The following AFF3 variants were observed in gnomAD, a reference collection of about 807,000 sequenced individuals.
AFF3 encodes AF4/FMR2 family member 3.
Under a neutral mutation model 129.7 loss-of-function variants are expected in AFF3, and 32 were observed. The ratio of observed to expected loss-of-function variants is 0.25; its 90% CI spans 0.19 to 0.33. The LOEUF (loss-of-function observed/expected upper bound fraction) is 0.33, where lower values mean the gene tolerates loss of function less well. Among genes scored for constraint, AFF3 ranks in the 10% least tolerant of loss-of-function variants. AFF3 has a pLI of 1.00. For synonymous variants in AFF3, 644 were observed against 635.4 expected (o/e 1.01, Z -0.20); for missense variants, 1,373 against 1,592.0 (o/e 0.86, Z 2.34).
chr2:99,930,030 G>GAACAT (rs1696555534), intron 7 of AFF3, among the ~76,000 whole-genome samples: 1 of 151,918 alleles, frequency 6.6e-6, no homozygotes, highest in Admixed American at 6.6e-5. Flanking sequence ...GATGGAGACT[G>GAACAT]CCACAGAACT....
chr2:100,138,681 T>C (rs1393030273), intron 1 of AFF3, among the ~76,000 whole-genome samples: 2 of 152,278 alleles, frequency 1.3e-5, no homozygotes, highest in Non-Finnish European at 2.9e-5. Context: ...CAGTGGCTCA[T>C]GCCTGTAATC....
At chr2:99,910,847 C>T (rs376687364) in intron 7 of AFF3, among the ~76,000 whole-genome samples, 16 of 152,342 alleles carry the variant, frequency 1.1e-4, no homozygotes, top group South Asian at 1.0e-3. Context: ...GTGATCATTT[C>T]GGGAGCTCTG....
At chr2:99,582,308 TG>T (rs1485503542) in intron 17 of AFF3, among the ~76,000 whole-genome samples, 2 of 152,124 alleles carry the variant, frequency 1.3e-5, no homozygotes, top group African/African-American at 4.8e-5. Context: ...GCTCTTCCCC[TG>T]GGGCGTGCTG....
At chr2:99,579,117 A>G (rs1677268250) in intron 17 of AFF3, among the ~76,000 whole-genome samples, 1 of 152,244 alleles carries the variant, frequency 6.6e-6, no homozygotes, top group Non-Finnish European at 1.5e-5. Context: ...TACTTAAAAA[A>G]TAAATCGACT....
chr2:100,132,320 C>T (rs1292823184), intron 1 of AFF3, among the ~76,000 whole-genome samples: 1 of 152,100 alleles, frequency 6.6e-6, no homozygotes, highest in Non-Finnish European at 1.5e-5. Context: ...TTAGCCATCC[C>T]ACAATGTATA....
intron 1 of AFF3, among the ~76,000 whole-genome samples, chr2:100,139,231 T>C (rs1692762261): frequency 6.6e-6 from 1 of 152,180 alleles, no homozygotes; most frequent in African/African-American, 2.4e-5. Context: ...TCATTATCCA[T>C]GGTCTCCACA....
intron 11 of AFF3, among the ~76,000 whole-genome samples, chr2:99,722,840 C>T (rs965191241): frequency 6.6e-6 from 1 of 152,094 alleles, no homozygotes; most frequent in Non-Finnish European, 1.5e-5. Context: ...TAAACTCTAT[C>T]CCCTGACACC....
intron 8 of AFF3, among the ~76,000 whole-genome samples, chr2:99,769,768 C>T (rs1395923984): frequency 2.6e-5 from 4 of 152,152 alleles, no homozygotes; most frequent in South Asian, 2.1e-4. Context: ...TTGGTGGTCT[C>T]GGATAAGATC....
intron 2 of AFF3, among the ~76,000 whole-genome samples, chr2:100,127,001 G>C (rs1477312235): frequency 6.6e-6 from 1 of 152,188 alleles, no homozygotes; most frequent in Non-Finnish European, 1.5e-5. Flanking sequence ...TGGCTGCTCT[G>C]TGAGGTTACA....
At chr2:99,782,818 A>G (rs755464599) in intron 8 of AFF3, among the ~76,000 whole-genome samples, 1 of 152,252 alleles carries the variant, frequency 6.6e-6, no homozygotes, top group Non-Finnish European at 1.5e-5. Context: ...TTTTAAACTA[A>G]TGGCATTTAG....
chr2:100,086,856 TTCTA>T lies in AFF3; in HGVS notation c.53+17542_53+17545del, dbSNP rs367937443. On this transcript the variant is annotated intron_variant, in intron 4 of 24. Coordinates refer to ENST00000672756, the MANE Select transcript of AFF3 (RefSeq NM_001386135.1). Reference sequence around the variant, plus strand: ...TAAAGGACTTAATAGCTTGAATCATTTCTATCTGTTATGCCATTTAAACCTCTTA... The same window carrying T: ...TAAAGGACTTAATAGCTTGAATCATTTCTGTTATGCCATTTAAACCTCTTA... Among the ~76,000 whole-genome samples, 14 of 152,370 alleles carry T rather than the reference TTCTA, an allele frequency of 9.2e-5. No homozygotes were observed. The East Asian group carries it at 1.5e-3, about 17-fold the overall frequency.
chr2:99,563,982 A>G (rs1466413359), intron 20 of AFF3, among the ~76,000 whole-genome samples: 1 of 151,988 alleles, frequency 6.6e-6, no homozygotes, highest in Non-Finnish European at 1.5e-5. Flanking sequence ...TGGGTGTGGT[A>G]CCCCAGCACC....
chr2:100,060,956 G>A (rs530231309), intron 4 of AFF3, among the ~76,000 whole-genome samples: 2 of 152,146 alleles, frequency 1.3e-5, no homozygotes, highest in South Asian at 4.1e-4. Context: ...TGACGTTGAT[G>A]GTCTTGAGGA....
chr2:99,630,100 A>G (rs769716693), intron 13 of AFF3, among the ~76,000 whole-genome samples: 3 of 152,190 alleles, frequency 2.0e-5, no homozygotes, highest in African/African-American at 7.2e-5. Context: ...TGGAAGGGTG[A>G]GCTCAGGAAG....
At chr2:99,643,356 C>T (rs1050550077) in intron 13 of AFF3, among the ~76,000 whole-genome samples, 2 of 152,160 alleles carry the variant, frequency 1.3e-5, no homozygotes, top group South Asian at 4.1e-4. Context: ...CCGAGCCCAG[C>T]CCTAAAAGAC....
intron 8 of AFF3, among the ~76,000 whole-genome samples, chr2:99,820,383 TAAAAGGTTGA>T (rs2105672433): frequency 6.6e-6 from 1 of 152,116 alleles, no homozygotes; most frequent in Admixed American, 6.5e-5. Flanking sequence ...AAATACAGCA[TAAAAGGTTGA>T]AAATGGTCCA....
chr2:100,046,510 T>A (rs919995911), intron 4 of AFF3, among the ~76,000 whole-genome samples: 2 of 152,228 alleles, frequency 1.3e-5, no homozygotes, highest in Non-Finnish European at 2.9e-5. Flanking sequence ...GGCTGCAGTT[T>A]AGGTCCTCCC....
At chr2:99,743,199 T>C (rs951849319) in intron 10 of AFF3, among the ~76,000 whole-genome samples, 1 of 152,346 alleles carries the variant, frequency 6.6e-6, no homozygotes, top group South Asian at 2.1e-4. Context: ...TCCGCACCAC[T>C]GTGCCATCAC....
At chr2:99,589,862 T>C (rs983321678) in intron 15 of AFF3, among the ~76,000 whole-genome samples, 2 of 152,184 alleles carry the variant, frequency 1.3e-5, no homozygotes, top group African/African-American at 2.4e-5. Flanking sequence ...AGTGATGTTA[T>C]AAAGCCCTCA....
Sources: gnomAD v4.1 joint callset for allele counts (sites outside exome capture counted in the v4.1 genomes callset) on GRCh38, gnomAD v4.1.1 for gene constraint, MANE v1.5 for transcripts, NCBI Gene and HGNC (gene_info 2026-07-23, HGNC 2026-07-21) for gene names.